The following DENND1B variants were observed in gnomAD, a reference collection of about 807,000 sequenced individuals.
DENND1B encodes the protein DENN domain-containing protein 1B.
DENND1B carries 59 observed loss-of-function variants against 90.1 expected under a neutral mutation model. That is an observed-to-expected ratio of 0.65 (90% CI 0.53 to 0.81). The LOEUF (loss-of-function observed/expected upper bound fraction) is 0.81. Ranked by LOEUF, DENND1B falls within the 40% of genes least tolerant of loss-of-function variation. The probability of loss-of-function intolerance (pLI) is 0.00; values close to 1 mark genes in which losing one functional copy is unlikely to be tolerated. For synonymous variants in DENND1B, 337 were observed against 324.6 expected (o/e 1.04, Z -0.41); for missense variants, 862 against 912.6 (o/e 0.94, Z 0.71).
At chr1:197,714,466 A>C (rs990402239) in intron 3 of DENND1B, among the ~76,000 whole-genome samples, 1 of 152,132 alleles carries the variant, frequency 6.6e-6, no homozygotes, top group South Asian at 2.1e-4. Context: ...ACTACAGAAG[A>C]CTATAACATA....
At chr1:197,714,527 A>C (rs1474869668) in intron 3 of DENND1B, among the ~76,000 whole-genome samples, 1 of 152,274 alleles carries the variant, frequency 6.6e-6, no homozygotes, top group East Asian at 1.9e-4. Context: ...CATATTTTTT[A>C]AAGAAAGTAA....
intron 15 of DENND1B, among the ~76,000 whole-genome samples, chr1:197,576,126 T>C (rs187194501): frequency 1.3e-5 from 2 of 151,724 alleles, no homozygotes; most frequent in Non-Finnish European, 2.9e-5. Flanking sequence ...ATCTAAAGAA[T>C]AGAAAAGACA....
chr1:197,563,847 C>T (rs1328007873), intron 15 of DENND1B, among the ~76,000 whole-genome samples: 1 of 151,874 alleles, frequency 6.6e-6, no homozygotes, highest in Admixed American at 6.6e-5. Flanking sequence ...GTCAAAACAG[C>T]AACATTAACA....
At chr1:197,544,504 T>C (rs1041336949) in intron 18 of DENND1B, among the ~76,000 whole-genome samples, 2 of 152,174 alleles carry the variant, frequency 1.3e-5, no homozygotes, top group Admixed American at 1.3e-4. Context: ...TTTTTTACTT[T>C]ATCATTTATT....
At chr1:197,534,204 T>C (rs1278788920) in intron 20 of DENND1B, among the ~76,000 whole-genome samples, 3 of 152,236 alleles carry the variant, frequency 2.0e-5, no homozygotes, top group Admixed American at 2.0e-4. Flanking sequence ...GATGCTACTC[T>C]TCAGTAGCCT....
chr1:197,610,754 T>C (rs1034903634), intron 12 of DENND1B, among the ~76,000 whole-genome samples: 3 of 150,910 alleles, frequency 2.0e-5, no homozygotes, highest in African/African-American at 7.3e-5. Flanking sequence ...TCACTGAAAG[T>C]ACCTTGGCAT....
At chr1:197,701,041 C>T (rs577239748) in intron 3 of DENND1B, among the ~76,000 whole-genome samples, 1 of 152,184 alleles carries the variant, frequency 6.6e-6, no homozygotes, top group African/African-American at 2.4e-5. Context: ...GGATCTAGAA[C>T]CAGAAATAAC....
intron 14 of DENND1B, among the ~76,000 whole-genome samples, chr1:197,583,525 A>G (rs1370017834): frequency 6.6e-6 from 1 of 152,212 alleles, no homozygotes; most frequent in Non-Finnish European, 1.5e-5. Context: ...AAGATTTGAC[A>G]TCATCAGATT....
chr1:197,566,323 T>A (rs1230438119), intron 15 of DENND1B, among the ~76,000 whole-genome samples: 1 of 152,142 alleles, frequency 6.6e-6, no homozygotes, highest in Non-Finnish European at 1.5e-5. Context: ...CTTTGCCCAC[T>A]TTTTGATGGG....
At chr1:197,531,193 T>C (rs1669585190) in intron 20 of DENND1B, among the ~76,000 whole-genome samples, 1 of 152,202 alleles carries the variant, frequency 6.6e-6, no homozygotes, top group South Asian at 2.1e-4. Context: ...ACAGCCTCAC[T>C]GTTATCAAAA....
intron 12 of DENND1B, among the ~76,000 whole-genome samples, chr1:197,608,573 G>GA (rs1244189546): frequency 6.6e-6 from 1 of 150,488 alleles, no homozygotes; most frequent in East Asian, 1.9e-4. Context: ...GCATTTGTGT[G>GA]AAAAAACATG....
intron 15 of DENND1B, among the ~76,000 whole-genome samples, chr1:197,576,989 T>C (rs1673740221): frequency 6.6e-6 from 1 of 152,108 alleles, no homozygotes; most frequent in Admixed American, 6.5e-5. Flanking sequence ...GGAGAGCCCG[T>C]AAGTTTATAG....
intron 12 of DENND1B, among the ~76,000 whole-genome samples, chr1:197,607,994 C>T (rs1676845604): frequency 6.6e-6 from 1 of 150,390 alleles, no homozygotes; most frequent in East Asian, 1.9e-4. Flanking sequence ...TTAATAAGTG[C>T]TCATTAATTA....
intron 20 of DENND1B, among the ~76,000 whole-genome samples, chr1:197,527,347 A>T (rs796232623): frequency 2.8e-5 from 4 of 140,758 alleles, no homozygotes; most frequent in African/African-American, 1.0e-4. Context: ...GTTTGGCATG[A>T]TCTTGGCTCA....
chr1:197,657,329 A>ATTCT (rs1653945337), intron 6 of DENND1B, among the ~76,000 whole-genome samples: 6 of 152,184 alleles, frequency 3.9e-5, no homozygotes, highest in Non-Finnish European at 7.4e-5. Context: ...AAGAGTTCCA[A>ATTCT]CAAGTACTTC....
chr1:197,763,880 C>T (rs1024785486), intron 2 of DENND1B, among the ~76,000 whole-genome samples: 1 of 152,190 alleles, frequency 6.6e-6, no homozygotes, highest in Non-Finnish European at 1.5e-5. Flanking sequence ...ATTGACGCTT[C>T]CCCTTCAAGA....
chr1:197,657,733 C>T (rs771275824), intron 6 of DENND1B, among the ~76,000 whole-genome samples: 3 of 152,050 alleles, frequency 2.0e-5, no homozygotes, highest in Non-Finnish European at 2.9e-5. Context: ...TCTTACTACC[C>T]AGTAATTCCA....
At chr1:197,715,411 T>C (rs1234409252) in intron 2 of DENND1B, among the ~76,000 whole-genome samples, 1 of 151,924 alleles carries the variant, frequency 6.6e-6, no homozygotes, top group Non-Finnish European at 1.5e-5. Flanking sequence ...CTATTTTAAC[T>C]ACACTTTTAA....
intron 10 of DENND1B, among the ~76,000 whole-genome samples, chr1:197,624,522 T>G (rs1316688468): frequency 6.6e-6 from 1 of 151,692 alleles, no homozygotes. Context: ...CAATGACTTT[T>G]AGAGACAACA....
Sources: allele counts gnomAD v4.1 joint callset (sites outside exome capture counted in the v4.1 genomes callset), GRCh38; gene constraint gnomAD v4.1.1; transcripts MANE v1.5; gene names NCBI Gene and HGNC (gene_info 2026-07-23, HGNC 2026-07-21).